PTPRE: variants seen among roughly 807,000 people sequenced by gnomAD.
PTPRE encodes the protein receptor-type tyrosine-protein phosphatase epsilon.
In PTPRE, 51 loss-of-function variants were observed where a neutral mutation model predicts 102.0. That is an observed-to-expected ratio of 0.50 (90% CI 0.40 to 0.63). PTPRE has a LOEUF of 0.63. PTPRE is among the 30% of genes least tolerant of loss of function. The pLI is 0.00. For missense variants in PTPRE, 752 were observed against 915.1 expected, an observed-to-expected ratio of 0.82 and a Z score of 2.30; for synonymous variants, 345 against 348.2, an observed-to-expected ratio of 0.99 and a Z score of 0.10.
At chr10:128,005,076 T>G (rs117675221) in intron 2 of PTPRE, among the ~76,000 whole-genome samples, 11,835 of 152,254 alleles carry the variant, frequency 0.078, 651 homozygotes, top group South Asian at 0.13. Flanking sequence ...GCCTGTTTTT[T>G]GGGTTTATTT....
intron 2 of PTPRE, among the ~76,000 whole-genome samples, chr10:128,011,797 G>C (rs1007110644): frequency 2.6e-5 from 4 of 152,206 alleles, no homozygotes; most frequent in African/African-American, 9.6e-5. Flanking sequence ...AGCAACTGTG[G>C]GTGCCTCACA....
intron 2 of PTPRE, among the ~76,000 whole-genome samples, chr10:128,020,206 G>T (rs1845764690): frequency 1.3e-5 from 2 of 152,334 alleles, no homozygotes; most frequent in African/African-American, 4.8e-5. Flanking sequence ...TAAAGTATCA[G>T]AATTTAAGCA....
intron 2 of PTPRE, among the ~76,000 whole-genome samples, chr10:128,032,043 T>A (rs1846803173): frequency 6.6e-6 from 1 of 151,994 alleles, no homozygotes; most frequent in South Asian, 2.1e-4. Flanking sequence ...TGAAACAGAG[T>A]CTCTTTCCAT....
chr10:128,045,679 G>A (rs1195606881), intron 3 of PTPRE, among the ~76,000 whole-genome samples: 3 of 152,182 alleles, frequency 2.0e-5, no homozygotes, highest in South Asian at 4.1e-4. Context: ...CTGGCAGAGT[G>A]GAGAGGGGTG....
intron 2 of PTPRE, among the ~76,000 whole-genome samples, chr10:128,007,611 C>T (rs1844608737): frequency 6.6e-6 from 1 of 152,204 alleles, no homozygotes; most frequent in East Asian, 1.9e-4. Flanking sequence ...AGCTATGACC[C>T]TGGAGATGTG....
intron 1 of PTPRE, among the ~76,000 whole-genome samples, chr10:127,940,204 TC>T (rs757577542): frequency 6.2e-4 from 94 of 152,066 alleles, no homozygotes; most frequent in Non-Finnish European, 7.1e-4. Flanking sequence ...TTCTTGCCCA[TC>T]CTATACACCC....
intron 1 of PTPRE, among the ~76,000 whole-genome samples, chr10:127,927,425 CG>C (rs1483553640): frequency 6.6e-6 from 1 of 152,134 alleles, no homozygotes; most frequent in Non-Finnish European, 1.5e-5. Flanking sequence ...ATCCACTTAG[CG>C]GGGTTGAGTT....
Position 128,052,583 on chromosome 10 carries a change from C to T in PTPRE, c.420+2917C>T, listed in dbSNP as rs191480650. Among the ~76,000 whole-genome samples, 214 of 152,268 alleles carry T rather than the reference C, an allele frequency of 1.4e-3. 1 individual carries two copies. Among genetic ancestry groups the T allele is most frequent in the Non-Finnish European group, 2.6e-3 (177 of 68,014 alleles). The stretch of plus-strand genomic sequence containing the variant: ...GAGACCGCACTCTGCAATCTCCACC[C>T]TGCACTGGTAGAACACCATCCTAGG... On this transcript the variant is annotated intron_variant, in intron 6 of 20. Coordinates refer to ENST00000254667, the MANE Select transcript of PTPRE (RefSeq NM_006504.6).
chr10:128,045,518 C>G (rs996192662), intron 3 of PTPRE, among the ~76,000 whole-genome samples: 11 of 152,130 alleles, frequency 7.2e-5, no homozygotes, highest in Non-Finnish European at 1.2e-4. Flanking sequence ...TGGGTACATT[C>G]GAGAGGGAGG....
intron 2 of PTPRE, among the ~76,000 whole-genome samples, chr10:128,032,854 C>G (rs1048041072): frequency 1.3e-5 from 2 of 152,160 alleles, no homozygotes; most frequent in African/African-American, 4.8e-5. Flanking sequence ...GGGCATTTAT[C>G]ATATGGTGTG....
At chr10:128,077,465 C>A in intron 18 of PTPRE, 152 bp from the exon 19 acceptor site, 1 of 1,024,618 alleles carries the variant, frequency 9.8e-7, no homozygotes, top group Non-Finnish European at 1.4e-6. Flanking sequence ...CAGGTTTCAG[C>A]CTTCTCCTTC....
At chr10:128,001,401 T>C (rs1448617264) in intron 2 of PTPRE, among the ~76,000 whole-genome samples, 1 of 150,030 alleles carries the variant, frequency 6.7e-6, no homozygotes, top group Non-Finnish European at 1.5e-5. Context: ...GCCGGAACTT[T>C]CCTTGCATAG....
rs1009750716 is a variant in PTPRE at position 128,028,353 on chromosome 10, G to C, written c.-7-12522G>C. 2.6e-5 allele frequency among the ~76,000 whole-genome samples: 4 copies of C among 152,112 alleles called. No individual in the cohort carries two copies. Among genetic ancestry groups the C allele is most frequent in the African/African-American group, 9.7e-5 (4 of 41,432 alleles). ...ACTCGGGTCACACACAGCCACACTCGGGGATTAGGACCTGAAGGATATCAT... is the reference window on the plus strand; with the variant it reads ...ACTCGGGTCACACACAGCCACACTCCGGGATTAGGACCTGAAGGATATCAT... On this transcript the variant is annotated intron_variant, in intron 2 of 20. Transcript: ENST00000254667. The surrounding 1 kb of genome is among the most constrained non-coding windows in gnomAD (Gnocchi z 4.5).
At chr10:127,969,340 G>C (rs1254367977) in intron 1 of PTPRE, among the ~76,000 whole-genome samples, 1 of 152,156 alleles carries the variant, frequency 6.6e-6, no homozygotes, top group Non-Finnish European at 1.5e-5. Flanking sequence ...GGGCCGTGAA[G>C]ACATCCTGGT....
chr10:127,990,915 C>T (rs529190796), intron 2 of PTPRE, among the ~76,000 whole-genome samples: 7 of 152,204 alleles, frequency 4.6e-5, no homozygotes, highest in South Asian at 2.1e-4. Context: ...GCTGAGAATC[C>T]GTGGGCTTTG....
chr10:128,068,587 G>T (rs1034149413), intron 12 of PTPRE: 10 of 233,364 alleles, frequency 4.3e-5, no homozygotes, highest in Non-Finnish European at 8.3e-5. Context: ...GGAATCCCAA[G>T]TCACCTCTGG....
chr10:127,981,573 T>C (rs1043518028), intron 1 of PTPRE, among the ~76,000 whole-genome samples: 5 of 152,192 alleles, frequency 3.3e-5, no homozygotes, highest in African/African-American at 1.2e-4. Flanking sequence ...ATCCCAGCAC[T>C]TTGTGAGCCC....
chr10:127,961,095 G>A (rs1197311966), intron 1 of PTPRE, among the ~76,000 whole-genome samples: 1 of 151,944 alleles, frequency 6.6e-6, no homozygotes, highest in Non-Finnish European at 1.5e-5. Flanking sequence ...TTCAGACGAT[G>A]CCAAGGAACG....
intron 1 of PTPRE, among the ~76,000 whole-genome samples, chr10:127,978,057 T>C (rs1024683035): frequency 2.0e-5 from 3 of 152,158 alleles, no homozygotes; most frequent in African/African-American, 7.2e-5. Flanking sequence ...GGGGCTTTCC[T>C]TTCTGGAGGA....
Sources: allele counts gnomAD v4.1 joint callset (sites outside exome capture counted in the v4.1 genomes callset), GRCh38; gene constraint gnomAD v4.1.1; non-coding constraint Gnocchi (gnomAD v3.1); transcripts MANE v1.5; gene names NCBI Gene and HGNC (gene_info 2026-07-23, HGNC 2026-07-21).